The following LRP1B variants were observed in gnomAD, a reference collection of about 807,000 sequenced individuals.
LRP1B encodes the protein low-density lipoprotein receptor-related protein 1B.
LRP1B carries 217 observed loss-of-function variants against 556.6 expected under a neutral mutation model. That is an observed-to-expected ratio of 0.39 (90% CI 0.35 to 0.44). The LOEUF is 0.44. Among genes scored for constraint, LRP1B ranks in the 20% least tolerant of loss-of-function variants. The pLI, the probability that LRP1B is intolerant of heterozygous loss-of-function variation, is 1.00. For synonymous variants in LRP1B, 2,047 were observed against 1,865.8 expected (o/e 1.10, Z -2.50); for missense variants, 5,053 against 5,620.8 (o/e 0.90, Z 3.23).
intron 2 of LRP1B, 137 bp downstream of exon 2, chr2:141,810,142 A>G (rs968875434): frequency 6.5e-6 from 3 of 462,184 alleles, no homozygotes; most frequent in Non-Finnish European, 1.0e-5. Flanking sequence ...AGAAAGAAAG[A>G]AAGAAAGAAA....
chr2:140,561,294 G>A (rs748763255), intron 43 of LRP1B, among the ~76,000 whole-genome samples: 1 of 152,040 alleles, frequency 6.6e-6, no homozygotes, highest in South Asian at 2.1e-4. Context: ...GCCCCATACC[G>A]ACACACAGAA....
chr2:141,293,993 C>T (rs1248824994), intron 3 of LRP1B, among the ~76,000 whole-genome samples: 1 of 151,868 alleles, frequency 6.6e-6, no homozygotes, highest in Non-Finnish European at 1.5e-5. Context: ...TTCAAATATA[C>T]GTAGCAATTT....
chr2:140,373,554 A>G (rs535476890), intron 68 of LRP1B, among the ~76,000 whole-genome samples: 1 of 152,290 alleles, frequency 6.6e-6, no homozygotes, highest in Admixed American at 6.5e-5. Flanking sequence ...ATTATTCAGT[A>G]GATAGTTATA....
chr2:141,902,171 TATTAATA>T (rs542735144), intron 1 of LRP1B, among the ~76,000 whole-genome samples: 49 of 151,582 alleles, frequency 3.2e-4, no homozygotes, highest in African/African-American at 1.1e-3. Flanking sequence ...GGAATATACA[TATTAATA>T]ATAATAATAA....
At chr2:140,444,795 T>G in intron 63 of LRP1B, 116 bp from the exon 64 acceptor site, 1 of 676,524 alleles carries the variant, frequency 1.5e-6, no homozygotes, top group Non-Finnish European at 2.6e-6. Context: ...GAATACAATG[T>G]GAATGTCTCT....
intron 3 of LRP1B, among the ~76,000 whole-genome samples, chr2:141,318,542 T>C (rs971556650): frequency 1.3e-5 from 2 of 152,158 alleles, no homozygotes; most frequent in African/African-American, 2.4e-5. Flanking sequence ...TCTTCAGTTA[T>C]CTCTCATGTG....
At chr2:140,937,233 G>A (rs920649224) in intron 20 of LRP1B, among the ~76,000 whole-genome samples, 4 of 152,052 alleles carry the variant, frequency 2.6e-5, no homozygotes, top group African/African-American at 9.7e-5. Context: ...ATGGTAAAAT[G>A]ACAGAAGCCC....
At chr2:141,018,082 A>G (rs765140130) in intron 12 of LRP1B, among the ~76,000 whole-genome samples, 30 of 152,058 alleles carry the variant, frequency 2.0e-4, no homozygotes, top group Non-Finnish European at 2.5e-4. Flanking sequence ...CAGAATAGAA[A>G]TATAACCTAT....
chr2:140,712,465 A>G (rs1448386419), intron 37 of LRP1B, among the ~76,000 whole-genome samples: 4 of 151,596 alleles, frequency 2.6e-5, no homozygotes, highest in Admixed American at 2.6e-4. Context: ...GCTCTGCCCT[A>G]TTGTTTCTCC....
chr2:140,966,624 A>G (rs1696230982), intron 18 of LRP1B, among the ~76,000 whole-genome samples: 1 of 152,182 alleles, frequency 6.6e-6, no homozygotes, highest in East Asian at 1.9e-4. Context: ...GCCCATGCCT[A>G]TGTCCTAAAT....
At chr2:141,772,710 T>C (rs1025786355) in intron 2 of LRP1B, among the ~76,000 whole-genome samples, 33 of 152,240 alleles carry the variant, frequency 2.2e-4, no homozygotes, top group Admixed American at 1.8e-3. Flanking sequence ...GGAATACTCA[T>C]AGCCCTGGGG....
intron 2 of LRP1B, among the ~76,000 whole-genome samples, chr2:141,678,413 AT>A (rs1025646831): frequency 1.3e-5 from 2 of 152,170 alleles, no homozygotes; most frequent in Admixed American, 6.5e-5. Flanking sequence ...AACAAAAAAA[AT>A]GTATGTTTTA....
At chr2:140,852,390 G>A (rs1447343515) in intron 27 of LRP1B, among the ~76,000 whole-genome samples, 1 of 152,124 alleles carries the variant, frequency 6.6e-6, no homozygotes, top group Non-Finnish European at 1.5e-5. Context: ...GAGCAACCAG[G>A]AATAATTAGT....
chr2:140,549,685 A>C (rs1419573845), intron 43 of LRP1B, among the ~76,000 whole-genome samples: 2 of 152,250 alleles, frequency 1.3e-5, no homozygotes, highest in East Asian at 3.9e-4. Flanking sequence ...AGCTGTCAAC[A>C]CGCTAGGTAC....
intron 3 of LRP1B, among the ~76,000 whole-genome samples, chr2:141,363,965 G>A (rs1688927398): frequency 6.6e-6 from 1 of 151,932 alleles, no homozygotes; most frequent in African/African-American, 2.4e-5. Context: ...ATTATAATAA[G>A]CTCCAAGTAA....
chr2:141,683,763 G>A (rs1001871568), intron 2 of LRP1B, among the ~76,000 whole-genome samples: 4 of 152,110 alleles, frequency 2.6e-5, no homozygotes, highest in African/African-American at 9.7e-5. Flanking sequence ...AGATACATTG[G>A]CAGGAGGATG....
intron 3 of LRP1B, among the ~76,000 whole-genome samples, chr2:141,389,823 C>T (rs1689980274): frequency 6.6e-6 from 1 of 152,150 alleles, no homozygotes; most frequent in Middle Eastern, 3.2e-3. Flanking sequence ...GGGCAAACAA[C>T]ATTGATGGAC....
intron 43 of LRP1B, among the ~76,000 whole-genome samples, chr2:140,586,196 A>G (rs563375079): frequency 6.6e-6 from 1 of 152,326 alleles, no homozygotes; most frequent in South Asian, 2.1e-4. Flanking sequence ...ATAAAAGTAG[A>G]GAGAAAAAGC....
intron 41 of LRP1B, among the ~76,000 whole-genome samples, chr2:140,662,201 A>C (rs1216224070): frequency 6.6e-6 from 1 of 151,994 alleles, no homozygotes; most frequent in African/African-American, 2.4e-5. Flanking sequence ...TACTATTAAA[A>C]GGAAAAATTC....
Sources: gnomAD v4.1 joint callset for allele counts (sites outside exome capture counted in the v4.1 genomes callset) on GRCh38, gnomAD v4.1.1 for gene constraint, MANE v1.5 for transcripts, NCBI Gene and HGNC (gene_info 2026-07-23, HGNC 2026-07-21) for gene names.